CCDC148: variants seen among roughly 807,000 people sequenced by gnomAD.
CCDC148 encodes the protein coiled-coil domain containing 148, also known as coiled-coil domain-containing protein 148.
In CCDC148, 89 loss-of-function variants were observed where a neutral mutation model predicts 85.7. The ratio of observed to expected loss-of-function variants is 1.04; its 90% CI spans 0.87 to 1.24. The LOEUF (loss-of-function observed/expected upper bound fraction) is 1.24. CCDC148 is among the 50% of genes most tolerant of loss of function. The pLI is 0.00. For missense variants in CCDC148, 692 were observed against 671.7 expected (o/e 1.03, Z -0.33); for synonymous variants, 230 against 213.9 (o/e 1.08, Z -0.66).
chr2:158,263,022 T>C (rs1475092175), intron 9 of CCDC148, among the ~76,000 whole-genome samples: 2 of 152,096 alleles, frequency 1.3e-5, no homozygotes, highest in Non-Finnish European at 2.9e-5. Flanking sequence ...GACAAATTTC[T>C]TACACAGAAC....
chr2:158,238,100 G>A (rs72993401), intron 10 of CCDC148, among the ~76,000 whole-genome samples: 11,352 of 152,130 alleles, frequency 0.075, 1,368 homozygotes, highest in African/African-American at 0.25. Context: ...TGGAGACACT[G>A]TGTATAGGCC....
intron 9 of CCDC148, among the ~76,000 whole-genome samples, chr2:158,280,897 T>G (rs1690254014): frequency 6.6e-6 from 1 of 152,220 alleles, no homozygotes; most frequent in East Asian, 1.9e-4. Context: ...CCTCAGCAAA[T>G]GTAAAAGAAC....
chr2:158,374,518 T>A (rs1054083477), intron 1 of CCDC148, among the ~76,000 whole-genome samples: 1 of 151,928 alleles, frequency 6.6e-6, no homozygotes, highest in African/African-American at 2.4e-5. Flanking sequence ...CCTTCTCTTG[T>A]GCGTGCGCTC....
chr2:158,448,834 G>A (rs1341250723), intron 1 of CCDC148, among the ~76,000 whole-genome samples: 1 of 151,782 alleles, frequency 6.6e-6, no homozygotes, highest in South Asian at 2.1e-4. Context: ...GTTTTTGTTT[G>A]TTTGTTTTTC....
intron 9 of CCDC148, among the ~76,000 whole-genome samples, chr2:158,253,480 T>G (rs1306188067): frequency 6.6e-6 from 1 of 151,604 alleles, no homozygotes; most frequent in African/African-American, 2.4e-5. Context: ...CTACTGCCCA[T>G]TTTTATCTCT....
intron 1 of CCDC148, among the ~76,000 whole-genome samples, chr2:158,453,364 T>C (rs1228325969): frequency 2.0e-5 from 3 of 152,166 alleles, no homozygotes; most frequent in Non-Finnish European, 4.4e-5. Flanking sequence ...ATTTGTATAA[T>C]ATATTCAGAG....
rs563076079 is a variant in CCDC148 at position 158,206,018 on chromosome 2, T to G, written c.1370+14577A>C. The stretch of plus-strand genomic sequence containing the variant: ...TAGCTCTTGAATCACTATTGGACCC[T>G]GGTGATCATTATGATAACTATCATT... On this transcript the variant is annotated intron_variant, in intron 11 of 13. Coordinates refer to ENST00000283233, the MANE Select transcript of CCDC148 (RefSeq NM_138803.4). Among the ~76,000 whole-genome samples the G allele has an allele frequency of 4.6e-5, 7 of 152,300 alleles. No homozygotes were observed. In the East Asian group the frequency reaches 7.7e-4, roughly 17 times the overall value.
chr2:158,342,998 T>A (rs6720852), intron 3 of CCDC148, among the ~76,000 whole-genome samples: 1 of 152,092 alleles, frequency 6.6e-6, no homozygotes, highest in Non-Finnish European at 1.5e-5. Context: ...AAGTTTGGCA[T>A]ATGTTTTCAT....
intron 11 of CCDC148, among the ~76,000 whole-genome samples, chr2:158,210,787 C>CAA (rs34273946): frequency 0.097 from 8,648 of 89,344 alleles, 430 homozygotes; most frequent in African/African-American, 0.15. Flanking sequence ...ACTAAAAATA[C>CAA]AAAAAAAAAA....
At chr2:158,288,565 C>G in intron 9 of CCDC148, 1 of 154,344 alleles carries the variant, frequency 6.5e-6, no homozygotes, top group South Asian at 1.9e-4. Flanking sequence ...AGTTCCTCAT[C>G]TCCATCTGAG....
At chr2:158,269,653 G>C (rs1490329233) in intron 9 of CCDC148, among the ~76,000 whole-genome samples, 3 of 152,086 alleles carry the variant, frequency 2.0e-5, no homozygotes, top group Non-Finnish European at 4.4e-5. Flanking sequence ...CATTCTCTGT[G>C]GCTCCTCACA....
At chr2:158,371,907 G>C (rs1684459877) in intron 1 of CCDC148, among the ~76,000 whole-genome samples, 1 of 151,870 alleles carries the variant, frequency 6.6e-6, no homozygotes. Flanking sequence ...CAACCTATAT[G>C]ATTTTCTCTA....
chr2:158,354,903 G>A (rs1271903210), intron 2 of CCDC148, among the ~76,000 whole-genome samples: 2 of 151,758 alleles, frequency 1.3e-5, no homozygotes, highest in Non-Finnish European at 1.5e-5. Flanking sequence ...CATCATCCCT[G>A]GGATGCAAGG....
In CCDC148 at chr2:158,369,235, T is replaced by C. The variant is rs1684331686; in HGVS notation, c.26-10665A>G. Among the ~76,000 whole-genome samples, 5 of 152,308 alleles carry C rather than the reference T, an allele frequency of 3.3e-5. No homozygotes were observed. In the South Asian group the frequency reaches 1.0e-3, roughly 32 times the overall value. On this transcript the variant is annotated intron_variant, in intron 1 of 13. Transcript: ENST00000283233. Reference sequence around the variant, plus strand: ...AATGTCAATGGTAGTTTAATGGGAATAGCATTGAATCTATAAATTACTTTG... The same window carrying C: ...AATGTCAATGGTAGTTTAATGGGAACAGCATTGAATCTATAAATTACTTTG...
chr2:158,287,936 G>C (rs1399459683), intron 9 of CCDC148, among the ~76,000 whole-genome samples: 1 of 152,186 alleles, frequency 6.6e-6, no homozygotes, highest in East Asian at 1.9e-4. Context: ...TAGACATCCA[G>C]GTCTTTCCAT....
intron 7 of CCDC148, among the ~76,000 whole-genome samples, chr2:158,315,976 T>C (rs1037104110): frequency 2.0e-5 from 3 of 152,198 alleles, no homozygotes; most frequent in African/African-American, 7.2e-5. Context: ...TCCCTTCCTC[T>C]ATTTGGCTTC....
At chr2:158,413,767 A>T (rs77237990) in intron 1 of CCDC148, among the ~76,000 whole-genome samples, 11,476 of 152,222 alleles carry the variant, frequency 0.075, 575 homozygotes, top group Middle Eastern at 0.11. Context: ...TAATTTTTAA[A>T]GCATGGTTCT....
At chr2:158,414,936 A>G (rs995775490) in intron 1 of CCDC148, among the ~76,000 whole-genome samples, 2 of 152,164 alleles carry the variant, frequency 1.3e-5, no homozygotes, top group Admixed American at 1.3e-4. Context: ...TGAGATAGAC[A>G]TGAATGTAAA....
chr2:158,393,329 A>G (rs1263357366), intron 1 of CCDC148: 1 of 152,146 alleles, frequency 6.6e-6, no homozygotes, highest in Non-Finnish European at 1.5e-5. Context: ...TGAGGCAGAG[A>G]TCATGATATC....
Sources: allele counts gnomAD v4.1 joint callset (sites outside exome capture counted in the v4.1 genomes callset), GRCh38; gene constraint gnomAD v4.1.1; transcripts MANE v1.5; gene names NCBI Gene and HGNC (gene_info 2026-07-23, HGNC 2026-07-21).